TRMT1L: variants seen among roughly 807,000 people sequenced by gnomAD.
TRMT1L encodes tRNA (guanine(27)-N(2))-dimethyltransferase.
TRMT1L carries 28 observed loss-of-function variants against 81.6 expected under a neutral mutation model. That is an observed-to-expected ratio of 0.34 (90% CI 0.25 to 0.47). TRMT1L has a LOEUF of 0.47. TRMT1L is among the 20% of genes least tolerant of loss of function. The pLI is 1.00. For missense variants in TRMT1L, 739 were observed against 877.1 expected, an observed-to-expected ratio of 0.84 and a Z score of 1.99; for synonymous variants, 301 against 303.2, an observed-to-expected ratio of 0.99 and a Z score of 0.07.
rs190307544 is a variant in TRMT1L at position 185,152,043 on chromosome 1, C to T, written c.236-108G>A. The stretch of plus-strand genomic sequence containing the variant: ...ATTTCCTATAACACAGTGTTATGGA[C>T]CTAGATGGGGAATACTGCCACAACT... On this transcript the variant is annotated intron_variant, in intron 1 of 14. Transcript: ENST00000367506. 9.9e-4 allele frequency: 543 copies of T among 545,744 alleles called. 2 individuals are homozygous for T. In the African/African-American group the frequency reaches 0.01, roughly 10 times the overall value. The allele number at this position is 545,744 out of a possible 1,614,324, so 33.8% of individuals were successfully genotyped here.
chr1:185,143,305 A>G (rs370600679), intron 7 of TRMT1L, 52 bp downstream of exon 7: 1 of 1,468,926 alleles, frequency 6.8e-7, no homozygotes, highest in South Asian at 1.3e-5. Flanking sequence ...AAGAAAAAAT[A>G]CTGTAAAATT....
In TRMT1L at chr1:185,137,795, C is replaced by T; in HGVS notation, c.1324G>A (p.Ala442Thr). 1 of 1,610,082 alleles carries T rather than the reference C, an allele frequency of 6.2e-7. No individual in the cohort carries two copies. The highest frequency in any genetic ancestry group is 8.5e-7 in the Non-Finnish European group (1 of 1,178,880). Reference protein sequence around the residue: ...ARIVVAAVARAAARCNKGIEV... With the variant: ...ARIVVAAVARTAARCNKGIEV... ...ATGCCTTTGTTGCATCGGGCTGCAG[C>T]TCTACAATAAATTTTTTCAAGTTAT... The change falls in exon 10 of 15, where the codon GCT (alanine) becomes ACT (threonine). Residue 442 changes from alanine to threonine, a missense_variant and splice_region_variant. Ala to Thr is a moderately conservative substitution (Grantham distance 58). Around this residue, in one of 4 missense-constraint regions of TRMT1L, gnomAD observed 331 missense variants for 462.2 expected, o/e 0.72. Coordinates refer to ENST00000367506, the MANE Select transcript of TRMT1L (RefSeq NM_030934.5).
At chr1:185,131,635 G>A (rs968091385) in intron 10 of TRMT1L, among the ~76,000 whole-genome samples, 14 of 151,736 alleles carry the variant, frequency 9.2e-5, no homozygotes, top group African/African-American at 3.1e-4. Context: ...ATAACTCTTA[G>A]AAATGAACAA....
At chr1:185,146,506 A>T (rs925834466) in intron 4 of TRMT1L, among the ~76,000 whole-genome samples, 4 of 152,116 alleles carry the variant, frequency 2.6e-5, no homozygotes, top group African/African-American at 7.2e-5. Context: ...CATATTCAAA[A>T]TATCTTAGAC....
chr1:185,151,230 G>GT (rs1460593835), intron 2 of TRMT1L, among the ~76,000 whole-genome samples: 1 of 151,920 alleles, frequency 6.6e-6, no homozygotes, highest in African/African-American at 2.4e-5. Context: ...AACTCATTTA[G>GT]TAATTTTTTT....
At chr1:185,129,669 G>A (rs997325617) in intron 10 of TRMT1L, among the ~76,000 whole-genome samples, 6 of 152,174 alleles carry the variant, frequency 3.9e-5, no homozygotes, top group Non-Finnish European at 7.3e-5. Flanking sequence ...CAGGTCGATA[G>A]CCTCTTGCTA....
chr1:185,134,752 T>C (rs1212196647), intron 10 of TRMT1L, among the ~76,000 whole-genome samples: 3 of 152,366 alleles, frequency 2.0e-5, no homozygotes, highest in African/African-American at 7.2e-5. Context: ...CTATTGGACA[T>C]GCTTTGGGCA....
At chr1:185,145,322 G>C in intron 5 of TRMT1L, 117 bp downstream of exon 5, 2 of 1,123,978 alleles carry the variant, frequency 1.8e-6, no homozygotes, top group Non-Finnish European at 2.5e-6. Context: ...ATGGACTAGT[G>C]AACTAAATCA....
At chr1:185,142,485 C>G (rs1166704925) in intron 7 of TRMT1L, among the ~76,000 whole-genome samples, 1 of 152,020 alleles carries the variant, frequency 6.6e-6, no homozygotes, top group East Asian at 1.9e-4. Context: ...TCTACTGTTT[C>G]TATTATCTTT....
intron 3 of TRMT1L, 29 bp from the exon 4 acceptor site, chr1:185,147,275 CAT>C: frequency 6.5e-7 from 1 of 1,526,818 alleles, no homozygotes; most frequent in Non-Finnish European, 9.0e-7. Context: ...GGTTATCATA[CAT>C]TGTTCATTAA....
intron 1 of TRMT1L, among the ~76,000 whole-genome samples, chr1:185,152,221 A>G (rs1166549182): frequency 1.3e-5 from 2 of 152,240 alleles, no homozygotes; most frequent in Non-Finnish European, 2.9e-5. Flanking sequence ...ACGTTAAGTC[A>G]TGTTTTCTAT....
At chr1:185,128,522 G>T (rs1051291695) in intron 11 of TRMT1L, 147 bp downstream of exon 11, 26 of 717,170 alleles carry the variant, frequency 3.6e-5, no homozygotes, top group Non-Finnish European at 5.2e-5. Flanking sequence ...AACACCTCAG[G>T]TTCATAGGAG....
At chr1:185,147,886 T>C (rs1653231842) in intron 3 of TRMT1L, among the ~76,000 whole-genome samples, 1 of 152,202 alleles carries the variant, frequency 6.6e-6, no homozygotes, top group Non-Finnish European at 1.5e-5. Context: ...CTATTAAGGA[T>C]ATGTAACTGA....
chr1:185,136,036 A>G (rs1442175825), intron 10 of TRMT1L, among the ~76,000 whole-genome samples: 2 of 152,250 alleles, frequency 1.3e-5, no homozygotes, highest in Non-Finnish European at 1.5e-5. Flanking sequence ...TTGATAAAAT[A>G]CAATAAAAAT....
At chr1:185,157,469 C>T (rs1182050337), upstream of TRMT1L, 1 of 152,634 alleles carries the variant, frequency 6.6e-6, no homozygotes, top group Non-Finnish European at 1.5e-5. Flanking sequence ...CGGGGACGAG[C>T]CAGCTCCGTG....
At chr1:185,135,029 T>C (rs1652860162) in intron 10 of TRMT1L, among the ~76,000 whole-genome samples, 1 of 152,204 alleles carries the variant, frequency 6.6e-6, no homozygotes, top group Non-Finnish European at 1.5e-5. Flanking sequence ...ATTATCTCAG[T>C]TGTGGTATCA....
Position 185,118,135 on chromosome 1 carries a change from T to C in TRMT1L, c.*1884A>G, listed in dbSNP as rs937721961. On this transcript the variant is annotated 3_prime_UTR_variant, in exon 15 of 15. Transcript: ENST00000367506. Reference sequence around the variant, plus strand: ...TCAAGTTTTAATGAAAGGATACAACTGATGCTACTTTACAACATGATAAAC... The same window carrying C: ...TCAAGTTTTAATGAAAGGATACAACCGATGCTACTTTACAACATGATAAAC... The C allele has an allele frequency of 3.3e-5, 5 of 152,216 alleles. No homozygotes were observed. 9.4% of individuals were successfully genotyped at this position (152,216 alleles called of 1,614,324 possible).
rs1300339702 is a variant in TRMT1L, at chr1:185,156,894, C to G, written c.-182G>C. 2.4e-6 allele frequency: 2 copies of G among 834,224 alleles called. No individual in the cohort carries two copies. The highest frequency in any genetic ancestry group is 3.1e-5 in the East Asian group (1 of 31,786). The allele number at this position is 834,224 out of a possible 1,614,324, so 51.7% of individuals were successfully genotyped here. ...GTGACCAAATCCTGTTAGTAGAAAA[C>G]AGAAAGCCAGAGGCAGCGATTCCAG... is the stretch of plus-strand genomic sequence containing the variant. On this transcript the variant is annotated 5_prime_UTR_variant, in exon 1 of 15. Transcript: ENST00000367506.
At position 185,145,446 on chromosome 1, in the gene TRMT1L, A is replaced by G. The variant is rs758336913; in HGVS notation, c.648T>C (p.Tyr216=). Residue 216 remains tyrosine, a synonymous_variant, in exon 5 of 15, where the codon TAT becomes TAC. Coordinates refer to ENST00000367506, the MANE Select transcript of TRMT1L (RefSeq NM_030934.5). ...TGAGATTGCTCAACTTACCTGCAAT[A>G]TAACTAGATTTAGTCTCTCCTTTAT... The part of the protein sequence containing the change: ...HMNKGETKSS[Y]IAASTAKPPK... The G allele has an allele frequency of 1.2e-6, 2 of 1,609,918 alleles. No homozygotes were observed. Among genetic ancestry groups the G allele is most frequent in the South Asian group, 1.1e-5 (1 of 90,760 alleles).
Sources: allele counts gnomAD v4.1 joint callset (sites outside exome capture counted in the v4.1 genomes callset), GRCh38; gene constraint gnomAD v4.1.1; regional missense constraint gnomAD v4.1.1; transcripts MANE v1.5; gene names NCBI Gene and HGNC (gene_info 2026-07-23, HGNC 2026-07-21).